Variants in ITPRID2 observed in about 807,000 individuals in gnomAD.
The protein encoded by ITPRID2 is ITPR interacting domain containing 2.
ITPRID2 carries 60 observed loss-of-function variants against 124.3 expected under a neutral mutation model. That is an observed-to-expected ratio of 0.48 (90% CI 0.39 to 0.60). ITPRID2 has a LOEUF of 0.60. Ranked by LOEUF, ITPRID2 falls within the 20% of genes least tolerant of loss-of-function variation. ITPRID2 has a pLI of 0.00. For missense variants in ITPRID2, 1,553 were observed against 1,512.2 expected, an observed-to-expected ratio of 1.03 and a Z score of -0.45; for synonymous variants, 521 against 542.9, an observed-to-expected ratio of 0.96 and a Z score of 0.56.
rs1056883212 is a variant in ITPRID2 at position 181,910,084 on chromosome 2, A to G, written c.1486+113A>G. 1 of 703,466 alleles carries G rather than the reference A, an allele frequency of 1.4e-6. No individual in the cohort carries two copies. The highest frequency in any genetic ancestry group is 2.3e-6 in the Non-Finnish European group (1 of 425,630). 43.6% of individuals were successfully genotyped at this position (703,466 alleles called of 1,614,324 possible). On this transcript the variant is annotated intron_variant, in intron 9 of 17. Coordinates refer to ENST00000431877, the MANE Select transcript of ITPRID2 (RefSeq NM_001130445.3). This position sits in a 1 kb window ranked among gnomAD's most constrained non-coding sequence, Gnocchi z 4.1. ...TATTTATGAGTGTGAAAAGGCAAAG[A>G]ACACACACAGGTAGGCATGATTCAC...
rs75100364 is a variant in ITPRID2 at position 181,907,549 on chromosome 2, T to A, written c.1414-2350T>A. ...ATCATGAACACCCATTACTCATCATTCTAATTCAGTTTTATTTGGCTATTC... is the reference window on the plus strand; with the variant it reads ...ATCATGAACACCCATTACTCATCATACTAATTCAGTTTTATTTGGCTATTC... On this transcript the variant is annotated intron_variant, in intron 8 of 17. Transcript: ENST00000431877. This position sits in a 1 kb window ranked among gnomAD's most constrained non-coding sequence, Gnocchi z 5.1. Among the ~76,000 whole-genome samples, 1,411 of 152,288 alleles carry A rather than the reference T, an allele frequency of 9.3e-3. 25 individuals are homozygous for A. The highest frequency in any genetic ancestry group is 0.032 in the African/African-American group (1,317 of 41,572).
At chr2:181,909,997 C>G (rs1367770903) in intron 9 of ITPRID2, 26 bp downstream of exon 9, 4 of 1,547,394 alleles carry the variant, frequency 2.6e-6, no homozygotes. Flanking sequence ...TCCACTAGTT[C>G]TGAGCACATT....
Position 181,910,413 on chromosome 2 carries a change from A to G in ITPRID2, c.1486+442A>G, listed in dbSNP as rs1693508595. 1.9e-6 allele frequency: 1 copy of G among 522,030 alleles called. No individual in the cohort carries two copies. The highest frequency in any genetic ancestry group is 3.4e-6 in the Non-Finnish European group (1 of 292,344). 32.3% of individuals were successfully genotyped at this position (522,030 alleles called of 1,614,324 possible). ...ACCCACCAATTTTTTAGCAATAGTT[A>G]AAGCTAGTTAAATTCAAACTATGGG... On this transcript the variant is annotated intron_variant, in intron 9 of 17. Coordinates refer to ENST00000431877, the MANE Select transcript of ITPRID2 (RefSeq NM_001130445.3). This position sits in a 1 kb window ranked among gnomAD's most constrained non-coding sequence, Gnocchi z 4.1.
Position 181,916,441 on chromosome 2 carries a change from T to A in ITPRID2, c.2787+14T>A. On this transcript the variant is annotated intron_variant, in intron 11 of 17. Transcript: ENST00000431877. ...AATCTTTCACAGGTATGAGAAAAAG[T>A]ATGTTATCATTAGCTTTTTTCTTTT... 1.2e-6 allele frequency: 2 copies of A among 1,604,172 alleles called. No homozygotes were observed. Among genetic ancestry groups the A allele is most frequent in the South Asian group, 2.2e-5 (2 of 90,072 alleles).
In ITPRID2 at chr2:181,919,343, A is replaced by G; in HGVS notation, c.3041A>G (p.Glu1014Gly). The G allele has an allele frequency of 1.9e-6, 3 of 1,614,160 alleles. No homozygotes were observed. The highest frequency in any genetic ancestry group is 2.5e-6 in the Non-Finnish European group (3 of 1,180,032). Residue 1014 changes from glutamate to glycine, a missense_variant, in exon 14 of 18, where the codon GAA becomes GGA. Coordinates refer to ENST00000431877, the MANE Select transcript of ITPRID2 (RefSeq NM_001130445.3). This position sits in a 1 kb window ranked among gnomAD's most constrained non-coding sequence, Gnocchi z 4.2. ...LQGLRNSVRM[E>G]LQDLELQLEE... is the part of the protein sequence containing the mutation. ...GGTTTGAGAAATTCAGTCCGAATGG[A>G]ACTTCAGGACCTGGAACTGCAGCTG... is the stretch of plus-strand genomic sequence containing the variant.
chr2:181,902,425 A>T lies in ITPRID2; in HGVS notation c.1372A>T (p.Asn458Tyr). Residue 458 changes from asparagine (N) to tyrosine (Y), a missense_variant, in exon 8 of 18, where the codon AAT becomes TAT. Physicochemically the swap from Asn to Tyr is moderately radical, Grantham distance 143 (BLOSUM62 -2). Transcript: ENST00000431877. The surrounding 1 kb of genome is among the most constrained non-coding windows in gnomAD (Gnocchi z 4.4). ...ACCACTGACAATACCATCCATAAGA[A>T]ATATAATGACACAGCAGAAGGACTC... ...CAPLTIPSIR[N>Y]IMTQQKDSFE... 6.2e-7 allele frequency: 1 copy of T among 1,605,018 alleles called. No individual in the cohort carries two copies. The highest frequency in any genetic ancestry group is 8.5e-7 in the Non-Finnish European group (1 of 1,177,236).
At chr2:181,916,837 G>A (rs374095254) in intron 11 of ITPRID2, 5 of 1,001,094 alleles carry the variant, frequency 5.0e-6, no homozygotes, top group East Asian at 1.0e-4. Context: ...CCTTTTCCAA[G>A]TTTTCTCCCT....
rs769927090 is a variant in ITPRID2, at chr2:181,892,669, T to G, written c.257+9T>G. The stretch of plus-strand genomic sequence containing the variant: ...TGGCTCAAGGACTGCCGGTGAGTGC[T>G]CCCTGGTCCGCCCGCGTCCCGGGGG... On this transcript the variant is annotated intron_variant, in intron 2 of 17. Coordinates refer to ENST00000431877, the MANE Select transcript of ITPRID2 (RefSeq NM_001130445.3). This position sits in a 1 kb window ranked among gnomAD's most constrained non-coding sequence, Gnocchi z 5.2. 6.2e-7 allele frequency: 1 copy of G among 1,613,548 alleles called. No homozygotes were observed.
intron 11 of ITPRID2, 34 bp from the exon 12 acceptor site, chr2:181,918,564 C>A: frequency 2.5e-6 from 4 of 1,610,320 alleles, no homozygotes; most frequent in Non-Finnish European, 3.4e-6. Context: ...TTCACTTTAA[C>A]ATTGGTTTTA....
At chr2:181,925,524 G>GTCTGCTTTCGTTTT (rs1694781564) in intron 16 of ITPRID2, among the ~76,000 whole-genome samples, 1 of 152,054 alleles carries the variant, frequency 6.6e-6, no homozygotes, top group Non-Finnish European at 1.5e-5. Context: ...TTTATCTGTA[G>GTCTGCTTTCGTTTT]TCTGCTTTCG....
chr2:181,909,032 C>CA (rs1455525218), intron 8 of ITPRID2, among the ~76,000 whole-genome samples: 4 of 152,054 alleles, frequency 2.6e-5, no homozygotes, highest in Admixed American at 1.3e-4. Context: ...TTAGAATAGA[C>CA]AGAGTGTTTG....
chr2:181,927,496 G>A (rs1023351183), intron 16 of ITPRID2, among the ~76,000 whole-genome samples: 2 of 152,086 alleles, frequency 1.3e-5, no homozygotes, highest in Admixed American at 6.6e-5. Flanking sequence ...AAAATGAGAT[G>A]TATATCCTCA....
chr2:181,900,589 A>G (rs560081978), intron 6 of ITPRID2, 107 bp from the exon 7 acceptor site: 1 of 818,400 alleles, frequency 1.2e-6, no homozygotes, highest in African/African-American at 1.7e-5. Flanking sequence ...CTGAGAAAAA[A>G]GATTTTATCA....
chr2:181,915,872 A>G lies in ITPRID2; in HGVS notation c.2232A>G (p.Leu744=), dbSNP rs781236574. The change falls in exon 11 of 18, where the codon TTA becomes TTG. Residue 744 remains leucine, a synonymous_variant. Coordinates refer to ENST00000431877, the MANE Select transcript of ITPRID2 (RefSeq NM_001130445.3). The stretch of plus-strand genomic sequence containing the variant: ...GGTCTCAGTCTTTACCAACCACCTT[A>G]TTGAGCCCAGTAAGGGTTGTGTCCT... ...LRRSQSLPTT[L]LSPVRVVSSV... is the part of the protein sequence containing the mutation. 4.3e-6 allele frequency: 7 copies of G among 1,614,218 alleles called. No homozygotes were observed. Among genetic ancestry groups the G allele is most frequent in the South Asian group, 1.1e-5 (1 of 91,080 alleles).
intron 15 of ITPRID2, among the ~76,000 whole-genome samples, chr2:181,921,426 C>T (rs1373099098): frequency 1.4e-5 from 2 of 147,350 alleles, no homozygotes; most frequent in Non-Finnish European, 3.0e-5. Flanking sequence ...TGCAGTGAGC[C>T]GAGATCAAGC....
chr2:181,906,517 G>A (rs530538990), intron 8 of ITPRID2, among the ~76,000 whole-genome samples: 6 of 152,170 alleles, frequency 3.9e-5, no homozygotes, highest in African/African-American at 1.4e-4. Context: ...GAGGCAGGAG[G>A]ATCACTTGAG....
At chr2:181,918,435 G>A (rs942768774) in intron 11 of ITPRID2, 163 bp from the exon 12 acceptor site, 1 of 1,444,784 alleles carries the variant, frequency 6.9e-7, no homozygotes, top group Non-Finnish European at 9.1e-7. Flanking sequence ...GGTGTCATTG[G>A]GAACTGATTT....
In ITPRID2 at chr2:181,916,621, G is replaced by A. The variant is rs1694075754; in HGVS notation, c.2787+194G>A. The A allele has an allele frequency of 4.6e-5, 37 of 806,414 alleles. No homozygotes were observed. The South Asian group carries it at 8.1e-4, about 18-fold the overall frequency. 50.0% of individuals were successfully genotyped at this position (806,414 alleles called of 1,614,324 possible). The stretch of plus-strand genomic sequence containing the variant: ...CAAGGGAGAAGCTGTAACTAACCCT[G>A]ATCAAAGTCGATTTCTCTGCTCACA... On this transcript the variant is annotated intron_variant, in intron 11 of 17. Coordinates refer to ENST00000431877, the MANE Select transcript of ITPRID2 (RefSeq NM_001130445.3).
chr2:181,911,655 T>C (rs939316256), intron 9 of ITPRID2, among the ~76,000 whole-genome samples: 4 of 152,218 alleles, frequency 2.6e-5, no homozygotes, highest in African/African-American at 9.6e-5. Context: ...TCTAATCCTT[T>C]TTTATAGTTC....
Sources: allele counts gnomAD v4.1 joint callset (sites outside exome capture counted in the v4.1 genomes callset), GRCh38; gene constraint gnomAD v4.1.1; non-coding constraint Gnocchi (gnomAD v3.1); transcripts MANE v1.5; gene names NCBI Gene and HGNC (gene_info 2026-07-23, HGNC 2026-07-21).